TENM3: variants seen among roughly 807,000 people sequenced by gnomAD.
TENM3 encodes the protein teneurin-3.
In TENM3, 63 loss-of-function variants were observed where a neutral mutation model predicts 255.1. The ratio of observed to expected loss-of-function variants is 0.25; its 90% CI spans 0.20 to 0.30. TENM3 has a LOEUF of 0.30. Ranked by LOEUF, TENM3 falls within the 10% of genes least tolerant of loss-of-function variation. The pLI is 1.00. For synonymous variants in TENM3, 1,306 were observed against 1,322.3 expected (o/e 0.99, Z 0.27); for missense variants, 2,929 against 3,461.1 (o/e 0.85, Z 3.86).
At chr4:182,646,743 AACAT>A (rs1337372325) in intron 5 of TENM3, among the ~76,000 whole-genome samples, 1 of 152,136 alleles carries the variant, frequency 6.6e-6, no homozygotes, top group Non-Finnish European at 1.5e-5. Context: ...CTTCATCTCA[AACAT>A]ACATACATAC....
chr4:181,584,348 T>C, the TENM3 span, among the ~76,000 whole-genome samples: 1 of 152,186 alleles, frequency 6.6e-6, no homozygotes, highest in Non-Finnish European at 1.5e-5. Context: ...TCTGAGGAAG[T>C]CTCAGTGACC....
In TENM3 at chr4:182,612,097, G is replaced by A. The variant is rs549023307; in HGVS notation, c.749+10936G>A. 1.1e-3 allele frequency among the ~76,000 whole-genome samples: 171 copies of A among 151,700 alleles called. 2 individuals carry two copies. The highest frequency in any genetic ancestry group is 1.5e-3 in the Non-Finnish European group (102 of 67,898). ...AGCCTGGCCAACACGGTGAAACCCC[G>A]TCTCTACTAAAAATACAAAAAAAAA... On this transcript the variant is annotated intron_variant, in intron 4 of 27. Coordinates refer to ENST00000511685, the MANE Select transcript of TENM3 (RefSeq NM_001080477.4).
chr4:182,741,490 C>G (rs1037860622), intron 18 of TENM3, among the ~76,000 whole-genome samples: 3 of 152,138 alleles, frequency 2.0e-5, no homozygotes, highest in African/African-American at 7.2e-5. Flanking sequence ...AGAGAAGAAG[C>G]AGGAAGGGCC....
the TENM3 span, among the ~76,000 whole-genome samples, chr4:181,714,011 G>A: frequency 6.6e-5 from 10 of 152,220 alleles, no homozygotes; most frequent in African/African-American, 1.9e-4. Flanking sequence ...GGAGGCACAC[G>A]TACCCACAGA....
the TENM3 span, among the ~76,000 whole-genome samples, chr4:181,741,869 T>C: frequency 6.6e-6 from 1 of 152,228 alleles, no homozygotes; most frequent in African/African-American, 2.4e-5. Flanking sequence ...ACCGTATTAT[T>C]ATTAGTTGAT....
the TENM3 span, among the ~76,000 whole-genome samples, chr4:181,713,100 C>G: frequency 6.6e-6 from 1 of 152,164 alleles, no homozygotes; most frequent in South Asian, 2.1e-4. Flanking sequence ...CCAACTTGTC[C>G]TCACATCTCA....
intron 3 of TENM3, among the ~76,000 whole-genome samples, chr4:182,584,536 T>G (rs77208229): frequency 0.06 from 9,095 of 152,288 alleles, 401 homozygotes; most frequent in South Asian, 0.14. Context: ...ATTTCTGTAA[T>G]AATGTACATT....
intron 3 of TENM3, among the ~76,000 whole-genome samples, chr4:182,468,824 TTGTGTGTGTGTG>T (rs66517986): frequency 0.034 from 4,959 of 143,820 alleles, 111 homozygotes; most frequent in Non-Finnish European, 0.048. Context: ...TCCTGTGTGC[TTGTGTGTGTGTG>T]TGTGTGTGTG....
At chr4:182,530,809 G>A (rs894202598) in intron 3 of TENM3, among the ~76,000 whole-genome samples, 4 of 152,212 alleles carry the variant, frequency 2.6e-5, no homozygotes, top group African/African-American at 9.7e-5. Context: ...AGAGCTCGAA[G>A]TGAATCTTAG....
Position 182,800,052 on chromosome 4 carries a change from G to A in TENM3, c.7801G>A (p.Gly2601Ser). The A allele has an allele frequency of 6.2e-7, 1 of 1,601,830 alleles. No homozygotes were observed. Among genetic ancestry groups the A allele is most frequent in the South Asian group, 1.1e-5 (1 of 89,042 alleles). ...GTTCGCGGACGTGGAGATGCAGTTC[G>A]GCGCGCTGGCGCTGCACGTGCGCTA... is the stretch of plus-strand genomic sequence containing the variant. Reference protein sequence around the residue: ...RRFADVEMQFGALALHVRYGM... With the variant: ...RRFADVEMQFSALALHVRYGM... The change falls in exon 28 of 28, where the codon GGC becomes AGC. Residue 2601 changes from glycine to serine, a missense_variant. Coordinates refer to ENST00000511685, the MANE Select transcript of TENM3 (RefSeq NM_001080477.4).
rs190797735 is a variant in TENM3 at position 182,279,482 on chromosome 4, C to T, written c.-76+36006C>T. Among the ~76,000 whole-genome samples the T allele has an allele frequency of 1.6e-3, 251 of 152,260 alleles. 5 individuals are homozygous for T. Among genetic ancestry groups the T allele is most frequent in the Admixed American group, 0.013 (205 of 15,302 alleles). On this transcript the variant is annotated intron_variant, in intron 1 of 27. Coordinates refer to ENST00000511685, the MANE Select transcript of TENM3 (RefSeq NM_001080477.4). ...GTTTTCCCACATGCAAGGCAGGGCCCTGTGCCTTGAGACAATTTGATGAAC... is the reference window on the plus strand; with the variant it reads ...GTTTTCCCACATGCAAGGCAGGGCCTTGTGCCTTGAGACAATTTGATGAAC...
At chr4:181,978,868 T>C in the TENM3 span, among the ~76,000 whole-genome samples, 1 of 150,508 alleles carries the variant, frequency 6.6e-6, no homozygotes, top group Admixed American at 6.6e-5. Context: ...TCTCTTGTTC[T>C]GCTTAAAAGA....
intron 1 of TENM3, among the ~76,000 whole-genome samples, chr4:182,189,403 C>T (rs570634878): frequency 6.6e-6 from 1 of 152,086 alleles, no homozygotes; most frequent in South Asian, 2.1e-4. Flanking sequence ...ATACTACATC[C>T]GTAATATTGC....
the TENM3 span, among the ~76,000 whole-genome samples, chr4:181,491,069 T>G: frequency 6.6e-6 from 1 of 152,086 alleles, no homozygotes; most frequent in Non-Finnish European, 1.5e-5. Context: ...AAAAATACCT[T>G]CTGAGACTTC....
At chr4:182,721,313 A>G (rs1030464365) in intron 13 of TENM3, among the ~76,000 whole-genome samples, 3 of 152,304 alleles carry the variant, frequency 2.0e-5, no homozygotes, top group Admixed American at 2.0e-4. Context: ...GTGAATTCAT[A>G]TGCACATTTA....
At chr4:182,590,195 C>T (rs908372653) in intron 3 of TENM3, among the ~76,000 whole-genome samples, 11 of 152,040 alleles carry the variant, frequency 7.2e-5, no homozygotes, top group African/African-American at 2.7e-4. Flanking sequence ...TTTAAGACAA[C>T]ATAGGAGATT....
At chr4:181,683,066 T>A in the TENM3 span, among the ~76,000 whole-genome samples, 5 of 150,872 alleles carry the variant, frequency 3.3e-5, no homozygotes, top group East Asian at 3.9e-4. Context: ...TTTAAAAAAA[T>A]TAAATAAAAA....
At chr4:182,341,633 A>G (rs1002846358) in intron 2 of TENM3, among the ~76,000 whole-genome samples, 16 of 152,324 alleles carry the variant, frequency 1.1e-4, no homozygotes, top group Admixed American at 2.6e-4. Flanking sequence ...TTTTGCAACA[A>G]TGCTGTAGTA....
chr4:181,688,547 G>A, the TENM3 span, among the ~76,000 whole-genome samples: 76 of 152,114 alleles, frequency 5.0e-4, no homozygotes, highest in African/African-American at 1.8e-3. Flanking sequence ...GCAAGTACGT[G>A]TCATTGTGTC....
Sources: allele counts gnomAD v4.1 joint callset (sites outside exome capture counted in the v4.1 genomes callset), GRCh38; gene constraint gnomAD v4.1.1; transcripts MANE v1.5; gene names NCBI Gene and HGNC (gene_info 2026-07-23, HGNC 2026-07-21).